The following MFAP2 variants were observed in gnomAD, a reference collection of about 807,000 sequenced individuals.
MFAP2 encodes microfibril associated protein 2, also known as microfibrillar-associated protein 2.
MFAP2 carries 23 observed loss-of-function variants against 30.6 expected under a neutral mutation model. The ratio of observed to expected loss-of-function variants is 0.75; its 90% CI spans 0.54 to 1.07. The LOEUF is 1.07. MFAP2 is among the 50% of genes least tolerant of loss of function. MFAP2 has a pLI of 0.00. For synonymous variants in MFAP2, 73 were observed against 85.7 expected, an observed-to-expected ratio of 0.85 and a Z score of 0.82; for missense variants, 198 against 223.8, an observed-to-expected ratio of 0.88 and a Z score of 0.74.
intron 1 of MFAP2, among the ~76,000 whole-genome samples, chr1:16,979,979 C>A (rs2076623788): frequency 6.6e-6 from 1 of 152,060 alleles, no homozygotes; most frequent in Non-Finnish European, 1.5e-5. Context: ...CCCACCCCCA[C>A]CTCTGGCCTC....
chr1:16,980,262 A>G (rs945848969), intron 1 of MFAP2, among the ~76,000 whole-genome samples: 1 of 49,476 alleles, frequency 2.0e-5, no homozygotes, highest in Non-Finnish European at 3.6e-5. Context: ...GGCCATTCCC[A>G]CCGGACCCCC....
chr1:16,978,193 G>T (rs1418695238), intron 2 of MFAP2, 44 bp downstream of exon 2: 29 of 1,549,332 alleles, frequency 1.9e-5, no homozygotes, highest in Non-Finnish European at 2.4e-5. Flanking sequence ...CTACTCCTCA[G>T]CCCCACATAA....
chr1:16,976,477 T>C lies in MFAP2; in HGVS notation c.286+24A>G. On this transcript the variant is annotated intron_variant, in intron 6 of 8. Transcript: ENST00000375535. The surrounding 1 kb of genome is among the most constrained non-coding windows in gnomAD (Gnocchi z 5.5). ...CAACTTCAGGGCGTGCCTCCATTTT[T>C]CCAGCTGTCAAGAAAGCCCTTACCA... is the stretch of plus-strand genomic sequence containing the variant. 1 of 1,614,128 alleles carries C rather than the reference T, an allele frequency of 6.2e-7. No homozygotes were observed. The highest frequency in any genetic ancestry group is 8.5e-7 in the Non-Finnish European group (1 of 1,179,970).
intron 1 of MFAP2, among the ~76,000 whole-genome samples, chr1:16,980,100 T>C (rs2284748): frequency 0.41 from 61,833 of 151,364 alleles, 14,153 homozygotes; most frequent in Non-Finnish European, 0.52. Context: ...CTCTGCCGGC[T>C]CCAGAGCCGG....
chr1:16,975,731 C>T lies in MFAP2; in HGVS notation c.287-1G>A. On this transcript the variant is annotated splice_acceptor_variant, in intron 6 of 8. Coordinates refer to ENST00000375535, the MANE Select transcript of MFAP2 (RefSeq NM_002403.4). LOFTEE classifies it high-confidence loss of function. The surrounding 1 kb of genome is among the most constrained non-coding windows in gnomAD (Gnocchi z 5.0). ...CACGGGTACTGTTCCTCACGGCAGTCTGGTGACAGGTGGGGTCAGACTAGG... is the reference window on the plus strand; with the variant it reads ...CACGGGTACTGTTCCTCACGGCAGTTTGGTGACAGGTGGGGTCAGACTAGG... 1 of 1,612,964 alleles carries T rather than the reference C, an allele frequency of 6.2e-7. No individual in the cohort carries two copies. The highest frequency in any genetic ancestry group is 8.5e-7 in the Non-Finnish European group (1 of 1,179,500).
rs2076598390 is a variant in MFAP2, at chr1:16,976,990, AGT to A, written c.128-69_128-68del. The stretch of plus-strand genomic sequence containing the variant: ...AATCCCCCAGCCCCTGGGGCAAACA[AGT>A]TCCCTCCTGAGCCAGGGACCAACCC... On this transcript the variant is annotated intron_variant, in intron 3 of 8. Coordinates refer to ENST00000375535, the MANE Select transcript of MFAP2 (RefSeq NM_002403.4). This position sits in a 1 kb window ranked among gnomAD's most constrained non-coding sequence, Gnocchi z 5.5. The A allele has an allele frequency of 1.2e-5, 19 of 1,613,440 alleles. No individual in the cohort carries two copies. Among genetic ancestry groups the A allele is most frequent in the Non-Finnish European group, 1.6e-5 (19 of 1,179,596 alleles).
chr1:16,976,120 C>T lies in MFAP2; in HGVS notation c.286+381G>A. On this transcript the variant is annotated intron_variant, in intron 6 of 8. Coordinates refer to ENST00000375535, the MANE Select transcript of MFAP2 (RefSeq NM_002403.4). This position sits in a 1 kb window ranked among gnomAD's most constrained non-coding sequence, Gnocchi z 5.5. ...CACACACACACCTTGTTCTTTCAAG[C>T]TCTCAGCTAGGGCAGCCGGAGGGCA... 5 of 479,710 alleles carry T rather than the reference C, an allele frequency of 1.0e-5. No individual in the cohort carries two copies. In the South Asian group the frequency reaches 1.2e-4, roughly 11 times the overall value. The allele number at this position is 479,710 out of a possible 1,614,324, so 29.7% of individuals were successfully genotyped here.
chr1:16,980,267 A>ACACCCCCCCCCCCC (rs1557656639), intron 1 of MFAP2, among the ~76,000 whole-genome samples: 10 of 80,296 alleles, frequency 1.2e-4, no homozygotes, highest in East Asian at 4.6e-4. Context: ...TTCCCACCGG[A>ACACCCCCCCCCCCC]CCCCCCCCCC....
chr1:16,975,429 G>A lies in MFAP2; in HGVS notation c.375-87C>T, dbSNP rs111904548. The A allele has an allele frequency of 2.7e-4, 218 of 803,468 alleles. No individual in the cohort carries two copies. Among genetic ancestry groups the A allele is most frequent in the Admixed American group, 6.8e-4 (15 of 22,094 alleles). 49.8% of individuals were successfully genotyped at this position (803,468 alleles called of 1,614,324 possible). The stretch of plus-strand genomic sequence containing the variant: ...CAGACAGAACCTGGCACGGGAGCCC[G>A]GACAGAACCTGGCACGGGAGCCCGG... On this transcript the variant is annotated intron_variant, in intron 7 of 8. Coordinates refer to ENST00000375535, the MANE Select transcript of MFAP2 (RefSeq NM_002403.4). This position sits in a 1 kb window ranked among gnomAD's most constrained non-coding sequence, Gnocchi z 5.0.
rs1021052449 is a variant in MFAP2 at position 16,975,801 on chromosome 1, G to T, written c.287-71C>A. The T allele has an allele frequency of 1.4e-5, 19 of 1,346,806 alleles. No individual in the cohort carries two copies. The highest frequency in any genetic ancestry group is 1.9e-5 in the Non-Finnish European group (18 of 953,930). 83.4% of individuals were successfully genotyped at this position (1,346,806 alleles called of 1,614,324 possible). On this transcript the variant is annotated intron_variant, in intron 6 of 8. Coordinates refer to ENST00000375535, the MANE Select transcript of MFAP2 (RefSeq NM_002403.4). The surrounding 1 kb of genome is among the most constrained non-coding windows in gnomAD (Gnocchi z 5.0). ...CCCCCAGCCTCACCCACCTGAGGCT[G>T]GCTCACAGGGCCTAGTCCCCCCTGT...
rs1413785254 is a variant in MFAP2, at chr1:16,975,435, AACCT to A, written c.375-97_375-94del. 17 of 1,386,402 alleles carry A rather than the reference AACCT, an allele frequency of 1.2e-5. No individual in the cohort carries two copies. In the African/African-American group the frequency reaches 1.7e-4, roughly 14 times the overall value. 85.9% of individuals were successfully genotyped at this position (1,386,402 alleles called of 1,614,324 possible). A position where few individuals can be genotyped will look rare whatever the true frequency, so the allele number is the denominator to read the frequency against. ...GAACCTGGCACGGGAGCCCGGACAG[AACCT>A]GGCACGGGAGCCCGGACAGAACCTG... On this transcript the variant is annotated intron_variant, in intron 7 of 8. Transcript: ENST00000375535. This position sits in a 1 kb window ranked among gnomAD's most constrained non-coding sequence, Gnocchi z 5.0.
rs2076591266 is a variant in MFAP2 at position 16,976,345 on chromosome 1, G to A, written c.286+156C>T. 1.8e-5 allele frequency: 16 copies of A among 911,254 alleles called. No homozygotes were observed. In the Admixed American group the frequency reaches 2.7e-4, roughly 15 times the overall value. The allele number at this position is 911,254 out of a possible 1,614,324, so 56.4% of individuals were successfully genotyped here. ...GGGACCTCCTGGAGCTGCCTGGGGG[G>A]CCTGGTGATGCCAGCCTACGGCAGT... is the stretch of plus-strand genomic sequence containing the variant. On this transcript the variant is annotated intron_variant, in intron 6 of 8. Transcript: ENST00000375535. This position sits in a 1 kb window ranked among gnomAD's most constrained non-coding sequence, Gnocchi z 5.5.
Position 16,975,087 on chromosome 1 carries a change from C to T in MFAP2, c.449-64G>A. On this transcript the variant is annotated intron_variant, in intron 8 of 8. Transcript: ENST00000375535. This position sits in a 1 kb window ranked among gnomAD's most constrained non-coding sequence, Gnocchi z 5.0. ...TGGGTGATGGGAACCGCTGCCCCTC[C>T]CCCAACTCTGGTGATGGGAGTGTTT... 1 of 1,367,026 alleles carries T rather than the reference C, an allele frequency of 7.3e-7. No homozygotes were observed. The highest frequency in any genetic ancestry group is 1.0e-6 in the Non-Finnish European group (1 of 978,250). The allele number at this position is 1,367,026 out of a possible 1,614,324, so 84.7% of individuals were successfully genotyped here.
intron 1 of MFAP2, among the ~76,000 whole-genome samples, chr1:16,978,740 AC>A (rs1261174396): frequency 1.3e-5 from 2 of 151,960 alleles, no homozygotes; most frequent in African/African-American, 2.4e-5. Context: ...CATCCTTGGG[AC>A]CCCAGCCCTG....
chr1:16,978,115 G>A, intron 2 of MFAP2, 122 bp downstream of exon 2: 1 of 1,114,574 alleles, frequency 9.0e-7, no homozygotes, highest in Non-Finnish European at 1.3e-6. Context: ...GAAGGCCCTG[G>A]GAGCTGGGGA....
intron 1 of MFAP2, among the ~76,000 whole-genome samples, chr1:16,979,936 G>T (rs1469130192): frequency 2.0e-5 from 3 of 152,162 alleles, no homozygotes; most frequent in Non-Finnish European, 4.4e-5. Context: ...GTTTTGGGGC[G>T]TGCGGGAGGC....
In MFAP2 at chr1:16,976,706, A is replaced by C; in HGVS notation, c.241+2T>G. ...CGGGTGGGAGCAGGGTCTGGGGCCT[A>C]CCTGGGGTTGGGGCTGGGATGACTT... On this transcript the variant is annotated splice_donor_variant, in intron 5 of 8. Coordinates refer to ENST00000375535, the MANE Select transcript of MFAP2 (RefSeq NM_002403.4). LOFTEE classifies it high-confidence loss of function. The surrounding 1 kb of genome is among the most constrained non-coding windows in gnomAD (Gnocchi z 5.5). 1.9e-6 allele frequency: 3 copies of C among 1,613,504 alleles called. No homozygotes were observed. The highest frequency in any genetic ancestry group is 2.5e-6 in the Non-Finnish European group (3 of 1,179,782).
chr1:16,981,549 C>T (rs1425596335), upstream of MFAP2, among the ~76,000 whole-genome samples: 1 of 152,234 alleles, frequency 6.6e-6, no homozygotes, highest in Non-Finnish European at 1.5e-5. Flanking sequence ...TTCACTGCTC[C>T]CACCCTGGCC....
In MFAP2 at chr1:16,975,333, A is replaced by G. The variant is rs202075082; in HGVS notation, c.384T>C (p.Arg128=). The part of the protein sequence containing the change: ...LNEVCFYSLR[R]VYVINKEICV... ...AGATCTCCTTGTTAATGACGTACACACGGCGGAGGCTGCGGGGACAGGGCA... is the reference window on the plus strand; with the variant it reads ...AGATCTCCTTGTTAATGACGTACACGCGGCGGAGGCTGCGGGGACAGGGCA... The change falls in exon 8 of 9, where the codon CGT becomes CGC. Residue 128 remains arginine, a synonymous_variant. Transcript: ENST00000375535. This position sits in a 1 kb window ranked among gnomAD's most constrained non-coding sequence, Gnocchi z 5.0. 4.5e-5 allele frequency: 73 copies of G among 1,613,784 alleles called. No homozygotes were observed. Among genetic ancestry groups the G allele is most frequent in the Non-Finnish European group, 6.2e-5 (73 of 1,179,910 alleles).
Sources: allele counts gnomAD v4.1 joint callset (sites outside exome capture counted in the v4.1 genomes callset), GRCh38; gene constraint gnomAD v4.1.1; non-coding constraint Gnocchi (gnomAD v3.1); transcripts MANE v1.5; gene names NCBI Gene and HGNC (gene_info 2026-07-23, HGNC 2026-07-21).